Variants in HPCAL1 observed in about 807,000 individuals in gnomAD.
The protein encoded by HPCAL1 is hippocalcin-like protein 1.
Under a neutral mutation model 17.1 loss-of-function variants are expected in HPCAL1, and 8 were observed. The observed-to-expected ratio is 0.47, with a 90% CI of 0.27 to 0.84. The LOEUF (loss-of-function observed/expected upper bound fraction) is 0.84, where lower values mean the gene tolerates loss of function less well. Ranked by LOEUF, HPCAL1 falls within the 40% of genes least tolerant of loss-of-function variation. The pLI is 0.13. For missense variants in HPCAL1, 165 were observed against 271.1 expected (o/e 0.61, Z 2.75); for synonymous variants, 112 against 111.4 (o/e 1.01, Z -0.03).
intron 1 of HPCAL1, among the ~76,000 whole-genome samples, chr2:10,324,567 G>T (rs1037201647): frequency 6.6e-6 from 1 of 152,100 alleles, no homozygotes; most frequent in East Asian, 1.9e-4. Context: ...AAAAATTTTG[G>T]GGATTCCTGA....
At position 10,423,101 on chromosome 2, in the gene HPCAL1, G is replaced by C; in HGVS notation, c.484+13G>C. On this transcript the variant is annotated intron_variant, in intron 4 of 4. Transcript: ENST00000307845. ...ACCAACAATGACGGTAGTGCGGGGTGGGGGCGGGGCTGCATGTGTACGCCA... is the reference window on the plus strand; with the variant it reads ...ACCAACAATGACGGTAGTGCGGGGTCGGGGCGGGGCTGCATGTGTACGCCA... The C allele has an allele frequency of 6.3e-7, 1 of 1,585,070 alleles. No individual in the cohort carries two copies. Among genetic ancestry groups the C allele is most frequent in the Non-Finnish European group, 8.7e-7 (1 of 1,154,384 alleles).
chr2:10,356,810 T>C (rs1666189234), intron 1 of HPCAL1, among the ~76,000 whole-genome samples: 1 of 152,152 alleles, frequency 6.6e-6, no homozygotes, highest in Non-Finnish European at 1.5e-5. Context: ...GGTGGACCCA[T>C]GCTTGTGCCC....
At chr2:10,378,287 C>G (rs1667715779) in intron 1 of HPCAL1, among the ~76,000 whole-genome samples, 1 of 139,006 alleles carries the variant, frequency 7.2e-6, no homozygotes, top group African/African-American at 2.7e-5. Context: ...TTTGCACACA[C>G]AGTTAATATT....
chr2:10,400,771 A>T (rs1448690212), intron 2 of HPCAL1, among the ~76,000 whole-genome samples: 1 of 127,892 alleles, frequency 7.8e-6, no homozygotes, highest in Non-Finnish European at 1.7e-5. Flanking sequence ...ACATGCACAC[A>T]TACACACACG....
At chr2:10,361,150 T>C (rs1274646509) in intron 1 of HPCAL1, among the ~76,000 whole-genome samples, 4 of 147,374 alleles carry the variant, frequency 2.7e-5, no homozygotes, top group African/African-American at 1.0e-4. Context: ...TGCTGGACGG[T>C]GGCCAGTGTG....
At chr2:10,389,541 C>T (rs1668551645) in intron 1 of HPCAL1, among the ~76,000 whole-genome samples, 1 of 152,238 alleles carries the variant, frequency 6.6e-6, no homozygotes, top group African/African-American at 2.4e-5. Flanking sequence ...GTGCTGGCAC[C>T]TTGATCTTGG....
chr2:10,404,613 G>A (rs940786836), intron 2 of HPCAL1, among the ~76,000 whole-genome samples: 4 of 152,354 alleles, frequency 2.6e-5, no homozygotes, highest in East Asian at 3.9e-4. Context: ...CCCTGCAGGC[G>A]CTGAGCAGCC....
At chr2:10,326,170 A>G (rs1664002598) in intron 1 of HPCAL1, among the ~76,000 whole-genome samples, 1 of 152,152 alleles carries the variant, frequency 6.6e-6, no homozygotes, top group Admixed American at 6.6e-5. Flanking sequence ...GACAGAATCA[A>G]CCCAGAAGGA....
chr2:10,387,287 G>A (rs1332177549), intron 1 of HPCAL1, among the ~76,000 whole-genome samples: 1 of 152,254 alleles, frequency 6.6e-6, no homozygotes, highest in African/African-American at 2.4e-5. Context: ...AGGAGCAGTG[G>A]GATGCCCACG....
chr2:10,340,172 A>G (rs6755655), intron 1 of HPCAL1, among the ~76,000 whole-genome samples: 11,275 of 152,268 alleles, frequency 0.074, 1,224 homozygotes, highest in African/African-American at 0.24. Flanking sequence ...GAAGGAAGAC[A>G]TAGACCCAAG....
At chr2:10,318,195 T>A (rs772462052) in intron 1 of HPCAL1, among the ~76,000 whole-genome samples, 2 of 152,092 alleles carry the variant, frequency 1.3e-5, no homozygotes, top group Non-Finnish European at 2.9e-5. Flanking sequence ...TTGACAAGTC[T>A]TTCTCCTTTC....
At chr2:10,402,147 G>A (rs966569670) in intron 2 of HPCAL1, among the ~76,000 whole-genome samples, 1 of 152,156 alleles carries the variant, frequency 6.6e-6, no homozygotes, top group Admixed American at 6.5e-5. Flanking sequence ...TAATCTGCCC[G>A]CCTCGGCCTC....
rs1235289898 is a variant in HPCAL1 at position 10,395,690 on chromosome 2, C to T, written c.-110-1145C>T. 6.6e-6 allele frequency among the ~76,000 whole-genome samples: 1 copy of T among 152,268 alleles called. No homozygotes were observed. The highest frequency in any genetic ancestry group is 2.4e-5 in the African/African-American group (1 of 41,548). ...GTGTGCGGTAGATGCGGAAGAGAAA[C>T]GGGCCGTCAGGTGAAGTGACTGTCA... On this transcript the variant is annotated intron_variant, in intron 1 of 4. Coordinates refer to ENST00000307845, the MANE Select transcript of HPCAL1 (RefSeq NM_002149.4). This position sits in a 1 kb window ranked among gnomAD's most constrained non-coding sequence, Gnocchi z 4.4.
chr2:10,400,303 C>T (rs1195239271), intron 2 of HPCAL1, among the ~76,000 whole-genome samples: 1 of 152,226 alleles, frequency 6.6e-6, no homozygotes, highest in African/African-American at 2.4e-5. Flanking sequence ...CACAGCCAGA[C>T]CCCCACCATA....
intron 2 of HPCAL1, among the ~76,000 whole-genome samples, chr2:10,415,570 G>A (rs1670608518): frequency 6.6e-6 from 1 of 152,120 alleles, no homozygotes; most frequent in South Asian, 2.1e-4. Context: ...AGGACCGTAT[G>A]GGTTTTGTTC....
At chr2:10,364,862 G>A (rs1263386754) in intron 1 of HPCAL1, among the ~76,000 whole-genome samples, 1 of 152,120 alleles carries the variant, frequency 6.6e-6, no homozygotes, top group African/African-American at 2.4e-5. Context: ...TGGGTTTATA[G>A]GTGTGAGTCA....
chr2:10,360,251 C>G (rs1666438206), intron 1 of HPCAL1, among the ~76,000 whole-genome samples: 2 of 152,162 alleles, frequency 1.3e-5, no homozygotes, highest in Admixed American at 6.5e-5. Context: ...AGAGAAGTTC[C>G]CTAGACTCCC....
rs200693767 is a variant in HPCAL1, at chr2:10,423,095, C to T, written c.484+7C>T. Reference sequence around the variant, plus strand: ...ATGGACACCAACAATGACGGTAGTGCGGGGTGGGGGCGGGGCTGCATGTGT... The same window carrying T: ...ATGGACACCAACAATGACGGTAGTGTGGGGTGGGGGCGGGGCTGCATGTGT... On this transcript the variant is annotated splice_region_variant and intron_variant, in intron 4 of 4. Coordinates refer to ENST00000307845, the MANE Select transcript of HPCAL1 (RefSeq NM_002149.4). 64 of 1,453,492 alleles carry T rather than the reference C, an allele frequency of 4.4e-5. No individual in the cohort carries two copies. In the East Asian group the frequency reaches 5.5e-4, roughly 12 times the overall value. 90.0% of individuals were successfully genotyped at this position (1,453,492 alleles called of 1,614,324 possible).
intron 1 of HPCAL1, among the ~76,000 whole-genome samples, chr2:10,337,927 T>G (rs1478379272): frequency 2.0e-5 from 3 of 152,204 alleles, no homozygotes; most frequent in Non-Finnish European, 4.4e-5. Context: ...CGGCTTAGTC[T>G]GTATTTAGGT....
Sources: allele counts gnomAD v4.1 joint callset (sites outside exome capture counted in the v4.1 genomes callset), GRCh38; gene constraint gnomAD v4.1.1; non-coding constraint Gnocchi (gnomAD v3.1); transcripts MANE v1.5; gene names NCBI Gene and HGNC (gene_info 2026-07-23, HGNC 2026-07-21).